ZMYM1: variants seen among roughly 807,000 people sequenced by gnomAD.
ZMYM1 encodes the protein zinc finger MYM-type containing 1.
ZMYM1 carries 39 observed loss-of-function variants against 60.0 expected under a neutral mutation model. That is an observed-to-expected ratio of 0.65 (90% confidence interval 0.50 to 0.85). The LOEUF is 0.85. ZMYM1 is among the 40% of genes least tolerant of loss of function. ZMYM1 has a pLI of 0.00. For synonymous variants in ZMYM1, 413 were observed against 454.0 expected (o/e 0.91, Z 1.15); for missense variants, 1,171 against 1,309.5 (o/e 0.89, Z 1.63).
chr1:35,114,466 T>C lies in ZMYM1; in HGVS notation c.2636T>C (p.Leu879Pro). The change falls in exon 10 of 10, where the codon CTT becomes CCT. Residue 879 changes from leucine to proline, a missense_variant. Coordinates refer to ENST00000359858, the MANE Select transcript of ZMYM1 (RefSeq NM_024772.5). Reference sequence around the variant, plus strand: ...GTTACAGGAATTCTTTCCAAAGAGCTTCAAAATAAAACCATAGACATTTTT... The same window carrying C: ...GTTACAGGAATTCTTTCCAAAGAGCCTCAAAATAAAACCATAGACATTTTT... ...LSVTGILSKE[L>P]QNKTIDIFSL... 1 of 1,613,172 alleles carries C rather than the reference T, an allele frequency of 6.2e-7. No individual in the cohort carries two copies. The highest frequency in any genetic ancestry group is 8.5e-7 in the Non-Finnish European group (1 of 1,179,546).
rs1478861711 is a variant in ZMYM1, at chr1:35,113,697, G to A, written c.1867G>A (p.Glu623Lys). 22 of 1,613,366 alleles carry A rather than the reference G, an allele frequency of 1.4e-5. No homozygotes were observed. Among genetic ancestry groups the A allele is most frequent in the Middle Eastern group, 1.6e-4 (1 of 6,080 alleles). The change falls in exon 10 of 10, where the codon GAA (glutamate) becomes AAA (lysine). Residue 623 changes from glutamate to lysine, a missense_variant. Coordinates refer to ENST00000359858, the MANE Select transcript of ZMYM1 (RefSeq NM_024772.5). ...TACACAAATTCAAAGTGATATTATC[G>A]AAATAATAAAGACTGAAATGTTGCA... ...NSTQIQSDII[E>K]IIKTEMLQDI...
downstream of ZMYM1, among the ~76,000 whole-genome samples, chr1:35,116,064 C>T (rs1040941395): frequency 6.6e-6 from 1 of 151,330 alleles, no homozygotes; most frequent in East Asian, 1.9e-4. Context: ...GACCTCATCA[C>T]TACAATTTTT....
intron 3 of ZMYM1, among the ~76,000 whole-genome samples, chr1:35,096,407 C>T (rs1289527485): frequency 6.6e-6 from 1 of 151,912 alleles, no homozygotes; most frequent in Non-Finnish European, 1.5e-5. Flanking sequence ...GAAGGATCAG[C>T]TTGAGGGCAG....
intron 4 of ZMYM1, among the ~76,000 whole-genome samples, chr1:35,101,269 C>T (rs1047298863): frequency 4.6e-5 from 7 of 151,158 alleles, no homozygotes; most frequent in Non-Finnish European, 8.8e-5. Flanking sequence ...TCACCATGCC[C>T]CGTTAATTTT....
rs192356805 is a variant in ZMYM1, at chr1:35,091,305, C to T, written c.-74-2609C>T. Among the ~76,000 whole-genome samples the T allele has an allele frequency of 3.7e-4, 57 of 152,082 alleles. 1 individual carries two copies. In the East Asian group the frequency reaches 8.9e-3, roughly 24 times the overall value. ...TCGGCTCACTGCAAGCTCCGTCTCC[C>T]GGGTTCACACCATTCTCCTGCCTCA... is the stretch of plus-strand genomic sequence containing the variant. On this transcript the variant is annotated intron_variant, in intron 1 of 9. Transcript: ENST00000359858.
intron 1 of ZMYM1, among the ~76,000 whole-genome samples, chr1:35,067,158 T>C (rs1167575132): frequency 6.6e-6 from 1 of 152,040 alleles, no homozygotes; most frequent in Non-Finnish European, 1.5e-5. Context: ...TTTGTATTTT[T>C]AGTAGAGATG....
rs1237535748 is a variant in ZMYM1, at chr1:35,115,158, G to A, written c.3328G>A (p.Ala1110Thr). The A allele has an allele frequency of 6.2e-7, 1 of 1,614,072 alleles. No homozygotes were observed. The highest frequency in any genetic ancestry group is 1.7e-5 in the Admixed American group (1 of 60,014). ...TMGQEKLTGP[A>T]LMAVEQELVN... The stretch of plus-strand genomic sequence containing the variant: ...GGGACAAGAGAAGCTTACTGGCCCA[G>A]CCCTAATGGCTGTTGAGCAGGAGTT... The change falls in exon 10 of 10, where the codon GCC becomes ACC. Residue 1110 changes from alanine (A) to threonine (T), a missense_variant. Coordinates refer to ENST00000359858, the MANE Select transcript of ZMYM1 (RefSeq NM_024772.5).
intron 6 of ZMYM1, among the ~76,000 whole-genome samples, chr1:35,108,191 T>G (rs960879820): frequency 2.0e-5 from 3 of 152,232 alleles, no homozygotes; most frequent in Non-Finnish European, 2.9e-5. Context: ...TTAAGATTTC[T>G]CAAAATATAA....
Position 35,095,858 on chromosome 1 carries a change from G to A in ZMYM1, c.136G>A (p.Glu46Lys), listed in dbSNP as rs1161876477. The A allele has an allele frequency of 1.2e-6, 2 of 1,609,952 alleles. No homozygotes were observed. The highest frequency in any genetic ancestry group is 1.3e-5 in the African/African-American group (1 of 74,796). ...GCAACAGTCCAGAACTCAGGAGAATGAACTGAAAATAAATGCTGTGTTTTC... is the reference window on the plus strand; with the variant it reads ...GCAACAGTCCAGAACTCAGGAGAATAAACTGAAAATAAATGCTGTGTTTTC... Reference protein sequence around the residue: ...HRQQSRTQENELKINAVFSES... With the variant: ...HRQQSRTQENKLKINAVFSES... The change falls in exon 3 of 10, where the codon GAA becomes AAA. Residue 46 changes from glutamate to lysine, a missense_variant. Coordinates refer to ENST00000359858, the MANE Select transcript of ZMYM1 (RefSeq NM_024772.5).
In ZMYM1 at chr1:35,113,133, G is replaced by A; in HGVS notation, c.1303G>A (p.Asp435Asn). ...KDNMKSMKIS[D>N]ELCHPKCTSK... ...CAATATGAAATCTATGAAAATAAGT[G>A]ATGAACTATGTCACCCAAAATGTAC... Residue 435 changes from aspartate to asparagine, a missense_variant, in exon 10 of 10, where the codon GAT becomes AAT. Physicochemically the swap from Asp to Asn is conservative, Grantham distance 23. Transcript: ENST00000359858. The A allele has an allele frequency of 5.0e-6, 8 of 1,613,946 alleles. No individual in the cohort carries two copies. The highest frequency in any genetic ancestry group is 6.8e-6 in the Non-Finnish European group (8 of 1,179,944).
At chr1:35,098,939 A>G (rs931011752) in intron 4 of ZMYM1, among the ~76,000 whole-genome samples, 3 of 152,202 alleles carry the variant, frequency 2.0e-5, no homozygotes, top group African/African-American at 7.2e-5. Context: ...CTGCTGATTC[A>G]GAACTGCATT....
intron 1 of ZMYM1, among the ~76,000 whole-genome samples, chr1:35,086,189 TTTC>T (rs1249760219): frequency 6.6e-6 from 1 of 152,226 alleles, no homozygotes; most frequent in Non-Finnish European, 1.5e-5. Flanking sequence ...TTTAAAATCA[TTTC>T]TTCAAGTCAT....
rs765149461 is a variant in ZMYM1 at position 35,113,910 on chromosome 1, C to T, written c.2080C>T (p.His694Tyr). ...DTEEMTGTHLHRTIKTYLQQI... is the reference protein window; with the variant it reads ...DTEEMTGTHLYRTIKTYLQQI... ...TGAGGAGATGACTGGGACCCACTTA[C>T]ATAGGACTATCAAAACTTATCTGCA... The change falls in exon 10 of 10, where the codon CAT (histidine) becomes TAT (tyrosine). Residue 694 changes from histidine (H) to tyrosine (Y), a missense_variant. Coordinates refer to ENST00000359858, the MANE Select transcript of ZMYM1 (RefSeq NM_024772.5). 1 of 1,613,886 alleles carries T rather than the reference C, an allele frequency of 6.2e-7. No individual in the cohort carries two copies. Among genetic ancestry groups the T allele is most frequent in the African/African-American group, 1.3e-5 (1 of 75,010 alleles).
chr1:35,111,969 T>C, intron 8 of ZMYM1, 57 bp downstream of exon 8: 2 of 1,557,948 alleles, frequency 1.3e-6, no homozygotes, highest in Non-Finnish European at 8.7e-7. Context: ...ACTTGATAAA[T>C]CTGTCTATAT....
chr1:35,084,396 C>T (rs1260258832), intron 1 of ZMYM1, among the ~76,000 whole-genome samples: 2 of 152,150 alleles, frequency 1.3e-5, no homozygotes, highest in East Asian at 1.9e-4. Flanking sequence ...TTTGGATGAA[C>T]ATTATTAGCA....
chr1:35,094,133 A>G, intron 2 of ZMYM1, 50 bp downstream of exon 2: 1 of 1,509,096 alleles, frequency 6.6e-7, no homozygotes, highest in Non-Finnish European at 9.0e-7. Flanking sequence ...ATTTAACTAT[A>G]AATTTTAGTT....
rs181968551 is a variant in ZMYM1, at chr1:35,104,183, T to C, written c.420-112T>C. ...AGAACTGGGTACCAAATTCAGGTTTTCTTATTTCAAGGCTAATGTTCTTAC... is the reference window on the plus strand; with the variant it reads ...AGAACTGGGTACCAAATTCAGGTTTCCTTATTTCAAGGCTAATGTTCTTAC... On this transcript the variant is annotated intron_variant, in intron 4 of 9. Transcript: ENST00000359858. 2,632 of 1,002,120 alleles carry C rather than the reference T, an allele frequency of 2.6e-3. 10 individuals carry two copies. The highest frequency in any genetic ancestry group is 7.9e-3 in the South Asian group (393 of 49,754). 62.1% of individuals were successfully genotyped at this position (1,002,120 alleles called of 1,614,324 possible). A position where few individuals can be genotyped will look rare whatever the true frequency, so the allele number is the denominator to read the frequency against.
intron 2 of ZMYM1, among the ~76,000 whole-genome samples, chr1:35,094,789 C>T (rs1327044740): frequency 3.3e-5 from 5 of 152,046 alleles, no homozygotes; most frequent in Admixed American, 3.3e-4. Context: ...TTCAAGGAAG[C>T]AATGAGCTAT....
At chr1:35,085,942 A>G (rs560544332) in intron 1 of ZMYM1, among the ~76,000 whole-genome samples, 3 of 152,336 alleles carry the variant, frequency 2.0e-5, no homozygotes, top group South Asian at 4.1e-4. Flanking sequence ...GTGGAATAAA[A>G]TGAGTTCCAT....
Sources: allele counts gnomAD v4.1 joint callset (sites outside exome capture counted in the v4.1 genomes callset), GRCh38; gene constraint gnomAD v4.1.1; transcripts MANE v1.5; gene names NCBI Gene and HGNC (gene_info 2026-07-23, HGNC 2026-07-21).